The following PI4K2A variants were observed in gnomAD, a reference collection of about 807,000 sequenced individuals.
PI4K2A encodes phosphatidylinositol 4-kinase type 2 alpha, also known as phosphatidylinositol 4-kinase type 2-alpha.
A neutral mutation model predicts 55.0 loss-of-function variants in PI4K2A; 20 were observed. That is an observed-to-expected ratio of 0.36 (90% CI 0.26 to 0.53). The LOEUF is 0.53. Among genes scored for constraint, PI4K2A ranks in the 20% least tolerant of loss-of-function variants. The pLI is 0.91. For synonymous variants in PI4K2A, 235 were observed against 258.5 expected, an observed-to-expected ratio of 0.91 and a Z score of 0.87; for missense variants, 463 against 637.1, an observed-to-expected ratio of 0.73 and a Z score of 2.94.
At chr10:97,673,096 C>T (rs1012704181) in intron 8 of PI4K2A, among the ~76,000 whole-genome samples, 21 of 151,910 alleles carry the variant, frequency 1.4e-4, no homozygotes, top group Non-Finnish European at 2.9e-5. Flanking sequence ...GAGCAATTCT[C>T]CTGCCTCAGC....
Position 97,664,867 on chromosome 10 carries a change from T to G in PI4K2A, c.985-18T>G. Reference sequence around the variant, plus strand: ...GGAGATGGGTTTCCTCAGTCATTAGTCTTTCCTTGCTCTTCAGGACACAGA... The same window carrying G: ...GGAGATGGGTTTCCTCAGTCATTAGGCTTTCCTTGCTCTTCAGGACACAGA... On this transcript the variant is annotated intron_variant, in intron 5 of 8. Transcript: ENST00000370631. 6.3e-7 allele frequency: 1 copy of G among 1,586,404 alleles called. No individual in the cohort carries two copies. Among genetic ancestry groups the G allele is most frequent in the Non-Finnish European group, 8.7e-7 (1 of 1,155,006 alleles).
rs1564776463 is a variant in PI4K2A, at chr10:97,664,915, GT to G, written c.1017del (p.Ile340SerfsTer6). On this transcript the variant is annotated frameshift_variant, in exon 6 of 9. Transcript: ENST00000370631. LOFTEE classifies it high-confidence loss of function. ...AGACTGGGTGGTGGTGAAGGAGCCT[GT>G]TATCAAGGTGGCTGCCATAGACAAT... is the stretch of plus-strand genomic sequence containing the variant. 1.9e-6 allele frequency: 3 copies of G among 1,613,998 alleles called. No individual in the cohort carries two copies. The Admixed American group carries it at 5.0e-5, about 27-fold the overall frequency.
intron 8 of PI4K2A, among the ~76,000 whole-genome samples, chr10:97,670,153 G>A (rs140803340): frequency 0.013 from 2,011 of 152,260 alleles, 39 homozygotes; most frequent in African/African-American, 0.046. Flanking sequence ...TCCTGCCTTG[G>A]CCTCCCAAGG....
intron 1 of PI4K2A, among the ~76,000 whole-genome samples, chr10:97,645,498 C>G (rs962783721): frequency 5.3e-5 from 8 of 150,932 alleles, no homozygotes; most frequent in African/African-American, 1.9e-4. Context: ...GTCCCAGCTA[C>G]TCGGGAGGCT....
chr10:97,640,869 G>A (rs1564771676), exon 1 of PI4K2A: 1 of 1,311,350 alleles, frequency 7.6e-7, no homozygotes, highest in Non-Finnish European at 9.7e-7. Context: ...GGCGGCGGCC[G>A]GCTCGGGCCC....
intron 4 of PI4K2A, among the ~76,000 whole-genome samples, chr10:97,660,257 T>C: frequency 1.3e-5 from 2 of 149,438 alleles, no homozygotes. Context: ...CGCCTTGGCC[T>C]CCCAAAGTGC....
chr10:97,671,139 G>GAAA (rs200845848), intron 8 of PI4K2A, among the ~76,000 whole-genome samples: 3 of 145,910 alleles, frequency 2.1e-5, no homozygotes, highest in South Asian at 4.3e-4. Flanking sequence ...CTCCGTCTCA[G>GAAA]AAAAAAAAAA....
rs140967245 is a variant in PI4K2A at position 97,656,876 on chromosome 10, G to A, written c.824G>A (p.Arg275Gln). 9.3e-6 allele frequency: 15 copies of A among 1,613,962 alleles called. No homozygotes were observed. Among genetic ancestry groups the A allele is most frequent in the East Asian group, 2.2e-5 (1 of 44,896 alleles). The change falls in exon 4 of 9, where the codon CGG becomes CAG. Residue 275 changes from arginine to glutamine, a missense_variant. Arg to Gln is a conservative substitution (Grantham distance 43, BLOSUM62 1). Around this residue, in one of 2 missense-constraint regions of PI4K2A, gnomAD observed 277 missense variants for 432.6 expected, o/e 0.64. Coordinates refer to ENST00000370631, the Ensembl canonical transcript of PI4K2A. The surrounding 1 kb of genome is among the most constrained non-coding windows in gnomAD (Gnocchi z 4.5). ...TACAAAGATGCAGACTATTGGCTGCGGCGTTTTGAAGCAGAACCTCTTCCT... is the reference window on the plus strand; with the variant it reads ...TACAAAGATGCAGACTATTGGCTGCAGCGTTTTGAAGCAGAACCTCTTCCT...
chr10:97,660,899 A>G (rs2041579354), intron 4 of PI4K2A, among the ~76,000 whole-genome samples: 1 of 151,272 alleles, frequency 6.6e-6, no homozygotes, highest in African/African-American at 2.4e-5. Context: ...TTATTATGTA[A>G]GGTCTCACTT....
chr10:97,669,262 G>T (rs967179268), intron 8 of PI4K2A, among the ~76,000 whole-genome samples: 8 of 152,174 alleles, frequency 5.3e-5, no homozygotes, highest in African/African-American at 1.9e-4. Context: ...GCCCAATTAG[G>T]CTGGCAGAAT....
chr10:97,660,382 A>G (rs1162092525), intron 4 of PI4K2A, among the ~76,000 whole-genome samples: 6 of 136,298 alleles, frequency 4.4e-5, no homozygotes, highest in Non-Finnish European at 6.2e-5. Context: ...TGCAACCTCC[A>G]CTTCCCAGGT....
chr10:97,665,588 T>A (rs991198767), intron 6 of PI4K2A, among the ~76,000 whole-genome samples: 7 of 151,392 alleles, frequency 4.6e-5, no homozygotes, highest in Admixed American at 6.6e-5. Context: ...GCTATTTATT[T>A]TTTATTTATT....
chr10:97,669,106 TCTGC>T (rs2041623848), intron 8 of PI4K2A, among the ~76,000 whole-genome samples: 2 of 152,190 alleles, frequency 1.3e-5, no homozygotes, highest in Admixed American at 1.3e-4. Flanking sequence ...TCTCAGGTGA[TCTGC>T]CTGCCTCGGC....
chr10:97,652,650 T>C (rs1048162464), intron 2 of PI4K2A, among the ~76,000 whole-genome samples: 12 of 152,070 alleles, frequency 7.9e-5, no homozygotes, highest in Non-Finnish European at 1.8e-4. Context: ...AGCAAAGAGA[T>C]TGATCAGCAG....
At chr10:97,663,568 G>A (rs1475176830) in intron 5 of PI4K2A, among the ~76,000 whole-genome samples, 2 of 148,678 alleles carry the variant, frequency 1.3e-5, no homozygotes, top group Admixed American at 6.7e-5. Context: ...ACTCACGCCT[G>A]TAATCCCAGC....
At chr10:97,664,827 T>C in intron 5 of PI4K2A, 58 bp from the exon 6 acceptor site, 1 of 1,157,522 alleles carries the variant, frequency 8.6e-7, no homozygotes, top group Non-Finnish European at 1.3e-6. Context: ...TTGCTACTAA[T>C]TGGAAGGGCC....
At chr10:97,666,964 C>T (rs1422819516) in intron 7 of PI4K2A, 97 bp from the exon 8 acceptor site, 1 of 880,220 alleles carries the variant, frequency 1.1e-6, no homozygotes, top group Admixed American at 2.1e-5. Context: ...AAGCCTTATG[C>T]AGGTTTTCCT....
intron 1 of PI4K2A, among the ~76,000 whole-genome samples, chr10:97,648,525 A>C (rs930833777): frequency 1.3e-5 from 2 of 152,112 alleles, no homozygotes; most frequent in Non-Finnish European, 2.9e-5. Flanking sequence ...TTCTGTCTTT[A>C]AGTAGAAGTA....
At chr10:97,646,746 C>A (rs574148695) in intron 1 of PI4K2A, among the ~76,000 whole-genome samples, 1 of 151,958 alleles carries the variant, frequency 6.6e-6, no homozygotes, top group Non-Finnish European at 1.5e-5. Context: ...ATATAGGAAC[C>A]CCGCTGGGTT....
Sources: allele counts gnomAD v4.1 joint callset (sites outside exome capture counted in the v4.1 genomes callset), GRCh38; gene constraint gnomAD v4.1.1; regional missense constraint gnomAD v4.1.1; non-coding constraint Gnocchi (gnomAD v3.1); transcripts MANE v1.5; gene names NCBI Gene and HGNC (gene_info 2026-07-23, HGNC 2026-07-21).